The following JDP2 variants were observed in gnomAD, a reference collection of about 807,000 sequenced individuals.
JDP2 encodes the protein Jun dimerization protein 2, also known as progesterone receptor co-activator.
Under a neutral mutation model 17.1 loss-of-function variants are expected in JDP2, and 9 were observed. The observed-to-expected ratio is 0.53, with a 90% CI of 0.32 to 0.92. The LOEUF is 0.92. JDP2 is among the 40% of genes least tolerant of loss of function. The pLI is 0.04. For synonymous variants in JDP2, 107 were observed against 95.6 expected (o/e 1.12, Z -0.69); for missense variants, 179 against 220.0 (o/e 0.81, Z 1.18).
chr14:75,467,336 T>C (rs1374888213), intron 3 of JDP2, among the ~76,000 whole-genome samples: 12 of 152,218 alleles, frequency 7.9e-5, no homozygotes, highest in African/African-American at 1.7e-4. Flanking sequence ...ACCCGCTCTT[T>C]AGCCCTCTCT....
intron 2 of JDP2, among the ~76,000 whole-genome samples, chr14:75,449,102 TCTGTTATCTGTGC>T (rs1885738241): frequency 6.6e-6 from 1 of 152,216 alleles, no homozygotes; most frequent in African/African-American, 2.4e-5. Flanking sequence ...GGGAGATTTG[TCTGTTATCTGTGC>T]CTTGTGCTTG....
intron 1 of JDP2, among the ~76,000 whole-genome samples, chr14:75,434,358 G>T (rs369598738): frequency 2.0e-5 from 3 of 152,082 alleles, no homozygotes; most frequent in Non-Finnish European, 2.9e-5. Flanking sequence ...CAGCTGTTGT[G>T]GTTGTCTCCT....
chr14:75,445,861 A>G (rs1411875557), intron 2 of JDP2, among the ~76,000 whole-genome samples: 1 of 152,218 alleles, frequency 6.6e-6, no homozygotes, highest in Non-Finnish European at 1.5e-5. Flanking sequence ...GACACAAAGT[A>G]AAAAGAAAAT....
intron 1 of JDP2, among the ~76,000 whole-genome samples, chr14:75,434,693 C>G (rs1020717676): frequency 6.6e-6 from 1 of 152,080 alleles, no homozygotes; most frequent in African/African-American, 2.4e-5. Flanking sequence ...CTATCATTCC[C>G]GGAACAGAAT....
Position 75,428,362 on chromosome 14 carries a change from A to G in JDP2, c.-24+110A>G, listed in dbSNP as rs1594939647. 6.7e-6 allele frequency: 1 copy of G among 149,520 alleles called. No homozygotes were observed. Among genetic ancestry groups the G allele is most frequent in the South Asian group, 2.1e-4 (1 of 4,814 alleles). 9.3% of individuals were successfully genotyped at this position (149,520 alleles called of 1,614,324 possible). On this transcript the variant is annotated intron_variant, in intron 1 of 3. Coordinates refer to ENST00000651602, the MANE Select transcript of JDP2 (RefSeq NM_001135048.2). This position sits in a 1 kb window ranked among gnomAD's most constrained non-coding sequence, Gnocchi z 5.6. The stretch of plus-strand genomic sequence containing the variant: ...GCACGGGCGGAGCGCGAGGAGCCCC[A>G]GCCCAGCCCCGCGGGGAGGCTCCCG...
chr14:75,463,941 G>A lies in JDP2; in HGVS notation c.306+2411G>A, dbSNP rs370259404. On this transcript the variant is annotated intron_variant, in intron 3 of 3. Transcript: ENST00000651602. ...ACTGAAGGGCTGCAGGAGGGGAGAC[G>A]CACACCTTCAAAAGATCCCTCTGGC... 4.6e-4 allele frequency among the ~76,000 whole-genome samples: 70 copies of A among 152,330 alleles called. 1 individual carries two copies. Among genetic ancestry groups the A allele is most frequent in the African/African-American group, 1.5e-3 (64 of 41,566 alleles).
chr14:75,439,366 C>T (rs1885229498), intron 2 of JDP2, among the ~76,000 whole-genome samples: 1 of 152,186 alleles, frequency 6.6e-6, no homozygotes, highest in Non-Finnish European at 1.5e-5. Flanking sequence ...GAAACGCGAA[C>T]CCCCATTTCA....
At position 75,472,968 on chromosome 14, in the gene JDP2, C is replaced by A. The variant is rs1170688449; in HGVS notation, c.*3493C>A. 3 of 152,234 alleles carry A rather than the reference C, an allele frequency of 2.0e-5. 1 individual carries two copies. The South Asian group carries it at 6.2e-4, about 31-fold the overall frequency. 9.4% of individuals were successfully genotyped at this position (152,234 alleles called of 1,614,324 possible). The stretch of plus-strand genomic sequence containing the variant: ...GTGGTCACACATAAGACCTGTGCCA[C>A]CTCTGCCCAGGGTTCCTATGAGAAT... On this transcript the variant is annotated 3_prime_UTR_variant, in exon 4 of 4. Transcript: ENST00000651602.
Position 75,437,997 on chromosome 14 carries a change from C to G in JDP2, c.77C>G (p.Pro26Arg). ...LPGLGPLTGLPSSALTVEELK... is the reference protein window; with the variant it reads ...LPGLGPLTGLRSSALTVEELK... ...GGGCTTGGCCCCCTGACCGGGCTCCCCAGCTCGGCCCTGACTGTGGAGGAG... is the reference window on the plus strand; with the variant it reads ...GGGCTTGGCCCCCTGACCGGGCTCCGCAGCTCGGCCCTGACTGTGGAGGAG... Residue 26 changes from proline to arginine, a missense_variant, in exon 2 of 4, where the codon CCC becomes CGC. Pro to Arg is a moderately radical substitution (Grantham distance 103, BLOSUM62 -2). Coordinates refer to ENST00000651602, the MANE Select transcript of JDP2 (RefSeq NM_001135048.2). 2 of 1,613,780 alleles carry G rather than the reference C, an allele frequency of 1.2e-6. No individual in the cohort carries two copies. The highest frequency in any genetic ancestry group is 1.7e-4 in the Middle Eastern group (1 of 6,056).
rs1886853367 is a variant in JDP2 at position 75,473,469 on chromosome 14, C to T, written c.*3994C>T. On this transcript the variant is annotated 3_prime_UTR_variant, in exon 4 of 4. Coordinates refer to ENST00000651602, the MANE Select transcript of JDP2 (RefSeq NM_001135048.2). ...ACGCATCCTTTGACCTAGCAGTTTT[C>T]CTCCTAGTCTTGGGAGGAACTCTAG... is the stretch of plus-strand genomic sequence containing the variant. The T allele has an allele frequency of 1.3e-5, 2 of 152,228 alleles. No individual in the cohort carries two copies. The highest frequency in any genetic ancestry group is 6.5e-5 in the Admixed American group (1 of 15,288). The allele number at this position is 152,228 out of a possible 1,614,324, so 9.4% of individuals were successfully genotyped here. A position where few individuals can be genotyped will look rare whatever the true frequency, so the allele number is the denominator to read the frequency against.
In JDP2 at chr14:75,473,851, A is replaced by C. The variant is rs532199559; in HGVS notation, c.*4376A>C. ...TGCACAAGAATGCTGTCAATATCAC[A>C]ATCAGTCATAGGGAGTGCTCCTGGG... On this transcript the variant is annotated 3_prime_UTR_variant, in exon 4 of 4. Coordinates refer to ENST00000651602, the MANE Select transcript of JDP2 (RefSeq NM_001135048.2). 2 of 152,348 alleles carry C rather than the reference A, an allele frequency of 1.3e-5. No individual in the cohort carries two copies. The highest frequency in any genetic ancestry group is 3.9e-4 in the East Asian group (2 of 5,184). 9.4% of individuals were successfully genotyped at this position (152,348 alleles called of 1,614,324 possible). A position where few individuals can be genotyped will look rare whatever the true frequency, so the allele number is the denominator to read the frequency against.
At chr14:75,455,841 T>G (rs541523293) in intron 2 of JDP2, among the ~76,000 whole-genome samples, 1 of 152,300 alleles carries the variant, frequency 6.6e-6, no homozygotes, top group South Asian at 2.1e-4. Context: ...AATAAACCCC[T>G]GTTTCCTGCT....
Position 75,430,184 on chromosome 14 carries a change from C to G in JDP2, c.-24+1932C>G, listed in dbSNP as rs922068144. ...TTTTTCCAACCTGCAGAATCCCTGG[C>G]AGGAATAGGCTCTCTGGGCCTTGTT... On this transcript the variant is annotated intron_variant, in intron 1 of 3. Transcript: ENST00000651602. The surrounding 1 kb of genome is among the most constrained non-coding windows in gnomAD (Gnocchi z 4.5). Among the ~76,000 whole-genome samples the G allele has an allele frequency of 6.6e-6, 1 of 152,202 alleles. No individual in the cohort carries two copies. Among genetic ancestry groups the G allele is most frequent in the Non-Finnish European group, 1.5e-5 (1 of 68,038 alleles).
At chr14:75,466,167 G>A (rs1225857495) in intron 3 of JDP2, among the ~76,000 whole-genome samples, 2 of 152,218 alleles carry the variant, frequency 1.3e-5, no homozygotes, top group African/African-American at 2.4e-5. Flanking sequence ...CTGGCTGGGC[G>A]CGGTGGCTCA....
intron 2 of JDP2, among the ~76,000 whole-genome samples, chr14:75,447,249 C>G (rs187637262): frequency 1.3e-5 from 2 of 152,160 alleles, no homozygotes; most frequent in East Asian, 1.9e-4. Flanking sequence ...TTTGAAGGAG[C>G]GAGGACATCT....
intron 3 of JDP2, among the ~76,000 whole-genome samples, chr14:75,462,419 G>A (rs1056965065): frequency 2.0e-5 from 3 of 152,200 alleles, no homozygotes; most frequent in Non-Finnish European, 4.4e-5. Flanking sequence ...GTAAAGTTGG[G>A]TGCTGTGCTG....
chr14:75,457,423 G>A (rs1173409892), intron 2 of JDP2, among the ~76,000 whole-genome samples: 1 of 152,276 alleles, frequency 6.6e-6, no homozygotes, highest in African/African-American at 2.4e-5. Context: ...CATGAAGGCA[G>A]AGGGGATCTG....
chr14:75,448,620 T>C (rs150843759), intron 2 of JDP2, among the ~76,000 whole-genome samples: 256 of 152,352 alleles, frequency 1.7e-3, no homozygotes, highest in African/African-American at 5.7e-3. Flanking sequence ...GCAAATACCT[T>C]AGCGTTTCCA....
intron 2 of JDP2, among the ~76,000 whole-genome samples, chr14:75,460,932 C>A (rs1458255739): frequency 2.0e-5 from 3 of 152,100 alleles, no homozygotes; most frequent in Non-Finnish European, 2.9e-5. Context: ...GTTGTGAAGT[C>A]CAATATCAAG....
Sources: allele counts gnomAD v4.1 joint callset (sites outside exome capture counted in the v4.1 genomes callset), GRCh38; gene constraint gnomAD v4.1.1; non-coding constraint Gnocchi (gnomAD v3.1); transcripts MANE v1.5; gene names NCBI Gene and HGNC (gene_info 2026-07-23, HGNC 2026-07-21).